Variants in PVT1 observed in about 807,000 individuals in gnomAD.
The protein encoded by PVT1 is CXCR4/PVT1 fusion.
At chr8:127,809,029 CAAAAAAAAAAAA>C (rs1158760672) in intron 2 of PVT1, among the ~76,000 whole-genome samples, 1 of 28,284 alleles carries the variant, frequency 3.5e-5, no homozygotes, top group East Asian at 1.1e-3. Flanking sequence ...GATTCCATCT[CAAAAAAAAAAAA>C]AAAAAAAAAA....
intron 2 of PVT1, among the ~76,000 whole-genome samples, chr8:127,842,724 C>T (rs1814986801): frequency 6.6e-6 from 1 of 152,072 alleles, no homozygotes; most frequent in African/African-American, 2.4e-5. Context: ...GTGCACCAAC[C>T]CTCCCTCTTG....
chr8:127,807,959 G>C (rs1482717202), intron 2 of PVT1, among the ~76,000 whole-genome samples: 1 of 151,954 alleles, frequency 6.6e-6, no homozygotes, highest in Non-Finnish European at 1.5e-5. Context: ...TAGTAGAGAC[G>C]GGGTTTCACT....
rs1345083834 is a variant in PVT1 at position 127,898,258 on chromosome 8, A to G, written n.782+7260A>G. Among the ~76,000 whole-genome samples the G allele has an allele frequency of 6.6e-6, 1 of 152,182 alleles. No homozygotes were observed. The highest frequency in any genetic ancestry group is 2.4e-5 in the African/African-American group (1 of 41,464). On this transcript the variant is annotated intron_variant and non_coding_transcript_variant, in intron 3 of 10. Transcript: ENST00000651587. The surrounding 1 kb of genome is among the most constrained non-coding windows in gnomAD (Gnocchi z 4.4). Reference sequence around the variant, plus strand: ...GAAAGAAAGAAACGAAGGAAGGAAGAAAGAAAGAGTGTAAAGAAATAAAAG... The same window carrying G: ...GAAAGAAAGAAACGAAGGAAGGAAGGAAGAAAGAGTGTAAAGAAATAAAAG...
chr8:127,854,280 G>A (rs911205594), intron 2 of PVT1, among the ~76,000 whole-genome samples: 1 of 152,328 alleles, frequency 6.6e-6, no homozygotes, highest in African/African-American at 2.4e-5. Context: ...GGGCTGACTC[G>A]AGCCCGGCCT....
At chr8:127,880,808 C>A (rs1815458080) in intron 2 of PVT1, among the ~76,000 whole-genome samples, 1 of 152,106 alleles carries the variant, frequency 6.6e-6, no homozygotes. Context: ...GCCATGCTGG[C>A]CAGGCTGGTC....
chr8:127,960,389 C>T (rs1816625981), intron 3 of PVT1, among the ~76,000 whole-genome samples: 1 of 152,114 alleles, frequency 6.6e-6, no homozygotes, highest in South Asian at 2.1e-4. Flanking sequence ...AGGAGACACC[C>T]TTCCTGGAAA....
chr8:127,923,843 C>T (rs938564059), intron 3 of PVT1, among the ~76,000 whole-genome samples: 2 of 152,172 alleles, frequency 1.3e-5, no homozygotes, highest in South Asian at 2.1e-4. Flanking sequence ...CCTGGTGTGC[C>T]GCGCTTCTCC....
intron 2 of PVT1, among the ~76,000 whole-genome samples, chr8:127,803,824 G>A (rs1814497287): frequency 6.6e-6 from 1 of 151,324 alleles, no homozygotes; most frequent in Non-Finnish European, 1.5e-5. Context: ...GGGTTCAAGC[G>A]ATTCTCCTGC....
chr8:127,890,698 G>GT (rs1192873425), exon 3 of PVT1: 1 of 152,258 alleles, frequency 6.6e-6, no homozygotes, highest in Non-Finnish European at 1.5e-5. Flanking sequence ...TGGATTTACA[G>GT]TGATCTTCAG....
intron 2 of PVT1, among the ~76,000 whole-genome samples, chr8:127,831,720 G>A (rs1280810522): frequency 2.0e-5 from 3 of 152,176 alleles, no homozygotes; most frequent in Non-Finnish European, 4.4e-5. Flanking sequence ...AAGGAGGAGA[G>A]TCATCACTTG....
intron 4 of PVT1, among the ~76,000 whole-genome samples, chr8:128,043,686 T>G (rs1813572724): frequency 6.6e-6 from 1 of 152,080 alleles, no homozygotes; most frequent in Non-Finnish European, 1.5e-5. Context: ...ATAATTATAT[T>G]TTGGAGATCT....
chr8:128,100,513 G>A (rs1439900724), intron 6 of PVT1, among the ~76,000 whole-genome samples: 1 of 152,186 alleles, frequency 6.6e-6, no homozygotes, highest in Non-Finnish European at 1.5e-5. Context: ...TGACAGTCAA[G>A]CCCAGACCTA....
At chr8:128,057,971 G>A (rs903723312) in intron 4 of PVT1, among the ~76,000 whole-genome samples, 1 of 152,212 alleles carries the variant, frequency 6.6e-6, no homozygotes, top group Admixed American at 6.5e-5. Flanking sequence ...AGCTGATTGT[G>A]TGAGGGTGTA....
intron 4 of PVT1, among the ~76,000 whole-genome samples, chr8:128,059,002 T>A (rs1813798002): frequency 1.3e-5 from 2 of 152,264 alleles, no homozygotes; most frequent in African/African-American, 4.8e-5. Flanking sequence ...AGCCCTTGCT[T>A]TGTGCAACAC....
chr8:127,897,213 C>G (rs918525895), intron 3 of PVT1, among the ~76,000 whole-genome samples: 3 of 152,222 alleles, frequency 2.0e-5, no homozygotes, highest in African/African-American at 7.2e-5. Context: ...AAGAAGAACT[C>G]TCACGCTGTG....
chr8:127,915,633 AAAG>A (rs1340833168), intron 3 of PVT1, among the ~76,000 whole-genome samples: 14 of 151,814 alleles, frequency 9.2e-5, no homozygotes, highest in African/African-American at 3.4e-4. Flanking sequence ...AAAAAAAAAA[AAAG>A]AGGATATGTG....
chr8:128,092,827 T>C (rs3888123), intron 5 of PVT1, among the ~76,000 whole-genome samples: 18,944 of 152,090 alleles, frequency 0.12, 1,613 homozygotes, highest in South Asian at 0.24. Context: ...ACTGCAATTA[T>C]TTTTGCACCA....
chr8:128,007,895 A>T (rs186569652), intron 4 of PVT1, among the ~76,000 whole-genome samples: 2 of 152,364 alleles, frequency 1.3e-5, no homozygotes, highest in Admixed American at 6.5e-5. Flanking sequence ...CTGATCCTTA[A>T]CAAAGTATGT....
At chr8:128,047,548 G>A (rs529307585) in intron 4 of PVT1, among the ~76,000 whole-genome samples, 2 of 152,342 alleles carry the variant, frequency 1.3e-5, no homozygotes, top group African/African-American at 4.8e-5. Context: ...CCTTGCTACT[G>A]CTGCAGTGAA....
Sources: allele counts gnomAD v4.1 joint callset (sites outside exome capture counted in the v4.1 genomes callset), GRCh38; gene constraint gnomAD v4.1.1; non-coding constraint Gnocchi (gnomAD v3.1); transcripts MANE v1.5; gene names NCBI Gene and HGNC (gene_info 2026-07-23, HGNC 2026-07-21).